RPS6KC1: variants seen among roughly 807,000 people sequenced by gnomAD.
The protein encoded by RPS6KC1 is inactive ribosomal protein S6 kinase delta-1.
Under a neutral mutation model 103.8 loss-of-function variants are expected in RPS6KC1, and 54 were observed. That is an observed-to-expected ratio of 0.52 (90% CI 0.42 to 0.65). RPS6KC1 has a LOEUF of 0.65. Ranked by LOEUF, RPS6KC1 falls within the 30% of genes least tolerant of loss-of-function variation. The pLI is 0.00. For missense variants in RPS6KC1, 1,151 were observed against 1,253.8 expected, an observed-to-expected ratio of 0.92 and a Z score of 1.24; for synonymous variants, 439 against 438.7, an observed-to-expected ratio of 1.00 and a Z score of -0.01.
At chr1:213,742,905 GA>G in the RPS6KC1 span, among the ~76,000 whole-genome samples, 5 of 152,246 alleles carry the variant, frequency 3.3e-5, no homozygotes, top group African/African-American at 1.2e-4. Context: ...AGGCTGCAGA[GA>G]AACGGGAACA....
chr1:213,358,712 T>C, the RPS6KC1 span, among the ~76,000 whole-genome samples: 1 of 152,226 alleles, frequency 6.6e-6, no homozygotes, highest in Non-Finnish European at 1.5e-5. Flanking sequence ...TCTAGTTCTT[T>C]ACACACTGCT....
Position 213,117,381 on chromosome 1 carries a change from T to C in RPS6KC1, c.443T>C (p.Ile148Thr), listed in dbSNP as rs772666453. 3.1e-6 allele frequency: 5 copies of C among 1,609,454 alleles called. No homozygotes were observed. Among genetic ancestry groups the C allele is most frequent in the South Asian group, 2.2e-5 (2 of 90,838 alleles). The change falls in exon 5 of 15, where the codon ATT becomes ACT. Residue 148 changes from isoleucine (I) to threonine (T), a missense_variant. Ile to Thr is a moderately conservative substitution (Grantham distance 89). Coordinates refer to ENST00000366960, the MANE Select transcript of RPS6KC1 (RefSeq NM_012424.6). ...GPAEAHSDSL[I>T]DTFPECSTEG... is the part of the protein sequence containing the mutation. ...GCTGAAGCTCACTCAGATTCCCTCA[T>C]TGATACCTTTCCTGAGTGTAGTACG... is the stretch of plus-strand genomic sequence containing the variant.
chr1:213,852,085 T>A, the RPS6KC1 span, among the ~76,000 whole-genome samples: 1 of 152,220 alleles, frequency 6.6e-6, no homozygotes, highest in East Asian at 1.9e-4. Context: ...TTGTCTGCCC[T>A]GATCTTGACC....
At chr1:213,253,840 T>C (rs928500037) in intron 12 of RPS6KC1, among the ~76,000 whole-genome samples, 1 of 152,194 alleles carries the variant, frequency 6.6e-6, no homozygotes, top group African/African-American at 2.4e-5. Flanking sequence ...GCTTTCTGCT[T>C]TTTTGCTCCT....
the RPS6KC1 span, among the ~76,000 whole-genome samples, chr1:213,338,255 T>G: frequency 6.6e-6 from 1 of 152,232 alleles, no homozygotes; most frequent in Non-Finnish European, 1.5e-5. Context: ...CTCCCCCTTA[T>G]GTGATTATCT....
chr1:213,482,469 T>G, the RPS6KC1 span, among the ~76,000 whole-genome samples: 1 of 151,784 alleles, frequency 6.6e-6, no homozygotes, highest in Non-Finnish European at 1.5e-5. Context: ...TTTGTCATTT[T>G]ATTTTGAGTA....
chr1:213,569,014 C>T, the RPS6KC1 span, among the ~76,000 whole-genome samples: 1 of 152,190 alleles, frequency 6.6e-6, no homozygotes, highest in African/African-American at 2.4e-5. Context: ...ACAGAGTGCC[C>T]TCGACCAGCA....
the RPS6KC1 span, among the ~76,000 whole-genome samples, chr1:213,313,811 G>C: frequency 6.6e-6 from 1 of 152,122 alleles, no homozygotes; most frequent in East Asian, 1.9e-4. Context: ...AAATTAGCCG[G>C]GTGTGGTGGC....
intron 6 of RPS6KC1, among the ~76,000 whole-genome samples, chr1:213,134,960 T>C (rs1330179307): frequency 2.6e-5 from 4 of 152,144 alleles, no homozygotes; most frequent in Non-Finnish European, 5.9e-5. Flanking sequence ...TCCAGTACAA[T>C]GTACAAGAAC....
the RPS6KC1 span, among the ~76,000 whole-genome samples, chr1:213,501,959 C>T: frequency 6.6e-6 from 1 of 152,142 alleles, no homozygotes; most frequent in African/African-American, 2.4e-5. Flanking sequence ...TCCATCCTTC[C>T]ATTTCCTGTT....
chr1:213,494,697 T>C, the RPS6KC1 span, among the ~76,000 whole-genome samples: 1 of 152,052 alleles, frequency 6.6e-6, no homozygotes, highest in South Asian at 2.1e-4. Flanking sequence ...CCCAGAACAT[T>C]AGTAATTGGT....
intron 8 of RPS6KC1, among the ~76,000 whole-genome samples, chr1:213,210,296 C>T (rs1298408408): frequency 6.6e-6 from 1 of 152,126 alleles, no homozygotes; most frequent in Non-Finnish European, 1.5e-5. Context: ...TCCAATAAGC[C>T]TTCAGATTTC....
chr1:213,477,665 A>G, the RPS6KC1 span, among the ~76,000 whole-genome samples: 1 of 152,236 alleles, frequency 6.6e-6, no homozygotes, highest in Non-Finnish European at 1.5e-5. Context: ...TAAAACCCAG[A>G]TACCATCCAA....
the RPS6KC1 span, among the ~76,000 whole-genome samples, chr1:213,650,561 C>T: frequency 6.6e-6 from 1 of 152,198 alleles, no homozygotes; most frequent in Middle Eastern, 3.2e-3. Context: ...TCTATGTCCG[C>T]ATCCGGGCCC....
intron 6 of RPS6KC1, among the ~76,000 whole-genome samples, chr1:213,130,835 C>G (rs1002379113): frequency 2.6e-5 from 4 of 152,016 alleles, no homozygotes; most frequent in African/African-American, 9.7e-5. Flanking sequence ...CCACCAATTC[C>G]TGAATTTTTG....
At chr1:213,386,948 G>A in the RPS6KC1 span, among the ~76,000 whole-genome samples, 3 of 152,340 alleles carry the variant, frequency 2.0e-5, no homozygotes, top group South Asian at 6.2e-4. Flanking sequence ...TAGACACGAT[G>A]AGAGGAAGGG....
intron 10 of RPS6KC1, among the ~76,000 whole-genome samples, chr1:213,236,571 T>C (rs2094225222): frequency 6.6e-6 from 1 of 152,160 alleles, no homozygotes; most frequent in South Asian, 2.1e-4. Flanking sequence ...CTTAAACTAT[T>C]TGAGAGAGAA....
At chr1:213,511,700 C>T in the RPS6KC1 span, among the ~76,000 whole-genome samples, 1 of 152,154 alleles carries the variant, frequency 6.6e-6, no homozygotes, top group Non-Finnish European at 1.5e-5. Flanking sequence ...AGAGACTGTC[C>T]TGCCCATGCC....
At chr1:213,771,410 C>A in the RPS6KC1 span, among the ~76,000 whole-genome samples, 1 of 152,252 alleles carries the variant, frequency 6.6e-6, no homozygotes, top group East Asian at 1.9e-4. Context: ...AAGAAGTGAG[C>A]AGGTTGTATA....
Sources: allele counts gnomAD v4.1 joint callset (sites outside exome capture counted in the v4.1 genomes callset), GRCh38; gene constraint gnomAD v4.1.1; transcripts MANE v1.5; gene names NCBI Gene and HGNC (gene_info 2026-07-23, HGNC 2026-07-21).